EML1: variants seen among roughly 807,000 people sequenced by gnomAD.
EML1 encodes the protein EMAP like 1.
Under a neutral mutation model 110.4 loss-of-function variants are expected in EML1, and 27 were observed. That is an observed-to-expected ratio of 0.24 (90% confidence interval 0.18 to 0.34). The LOEUF (loss-of-function observed/expected upper bound fraction) is 0.34, where lower values mean the gene tolerates loss of function less well. Among genes scored for constraint, EML1 ranks in the 10% least tolerant of loss-of-function variants. The probability of loss-of-function intolerance (pLI) is 1.00; values close to 1 mark genes in which losing one functional copy is unlikely to be tolerated. For synonymous variants in EML1, 344 were observed against 385.8 expected (o/e 0.89, Z 1.27); for missense variants, 741 against 1,030.9 (o/e 0.72, Z 3.85).
chr14:99,788,604 A>T (rs112581496), upstream of EML1, among the ~76,000 whole-genome samples: 141 of 152,254 alleles, frequency 9.3e-4, no homozygotes, highest in African/African-American at 3.1e-3. Flanking sequence ...TGGGCAACAC[A>T]TGGAGACTGT....
In EML1 at chr14:99,738,649, T is replaced by C. The variant is rs543088606; in HGVS notation, c.28+789T>C. ...AGCTTAACTTCTCTGAGCCTCCGTG[T>C]CCCCAGGTAAAAATGGAGACTGTGG... On this transcript the variant is annotated intron_variant, in intron 1 of 10. Coordinates refer to the EML1 transcript ENST00000554479. Among the ~76,000 whole-genome samples, 193 of 152,314 alleles carry C rather than the reference T, an allele frequency of 1.3e-3. 2 individuals carry two copies. Among genetic ancestry groups the C allele is most frequent in the African/African-American group, 4.5e-3 (188 of 41,576 alleles).
At chr14:99,770,778 G>GCTTTTTTTTTTTTTTTTTTTTTTT (rs1198007774), upstream of EML1, among the ~76,000 whole-genome samples, 1 of 79,544 alleles carries the variant, frequency 1.3e-5, no homozygotes, top group Admixed American at 1.7e-4. Context: ...AGTTTCCGCT[G>GCTTTTTTTTTTTTTTTTTTTTTTT]ATTTTTTTTT....
intron 2 of EML1, among the ~76,000 whole-genome samples, chr14:99,852,068 A>G (rs1486979616): frequency 6.6e-6 from 1 of 152,222 alleles, no homozygotes; most frequent in African/African-American, 2.4e-5. Flanking sequence ...TTTGTATTAA[A>G]TAATGTTGTC....
At chr14:99,918,414 C>T (rs1164588864) in intron 16 of EML1, among the ~76,000 whole-genome samples, 2 of 152,224 alleles carry the variant, frequency 1.3e-5, no homozygotes, top group East Asian at 1.9e-4. Context: ...ATTTTGCCTA[C>T]AATCTCGAGG....
chr14:99,849,523 GTGTGTGTA>G (rs1174667523), intron 1 of EML1, among the ~76,000 whole-genome samples: 5 of 134,164 alleles, frequency 3.7e-5, no homozygotes, highest in African/African-American at 1.1e-4. Flanking sequence ...GTGTGTGTGT[GTGTGTGTA>G]TATATATTTA....
intron 10 of EML1, among the ~76,000 whole-genome samples, chr14:99,908,120 C>T (rs569778635): frequency 6.6e-6 from 1 of 152,338 alleles, no homozygotes; most frequent in East Asian, 1.9e-4. Flanking sequence ...TGCCTGAGCC[C>T]CTGCAGCCGC....
rs1227642056 is a variant in EML1 at position 99,936,963 on chromosome 14, G to T, written c.2095+629G>T. On this transcript the variant is annotated intron_variant, in intron 19 of 21. Transcript: ENST00000262233. The surrounding 1 kb of genome is among the most constrained non-coding windows in gnomAD (Gnocchi z 5.5). ...GGCGCGTGGGCACAAGGAAGGCCTC[G>T]CTGCTCCCCTGCTGGAAGTTACTGG... 6.6e-6 allele frequency among the ~76,000 whole-genome samples: 1 copy of T among 152,228 alleles called. No individual in the cohort carries two copies. Among genetic ancestry groups the T allele is most frequent in the Non-Finnish European group, 1.5e-5 (1 of 68,034 alleles).
intron 1 of EML1, among the ~76,000 whole-genome samples, chr14:99,809,286 T>C (rs1464463159): frequency 2.0e-5 from 3 of 152,258 alleles, no homozygotes; most frequent in African/African-American, 7.2e-5. Flanking sequence ...TATCAAACTT[T>C]GACCTTGTTC....
chr14:99,899,714 A>T (rs2059728922), intron 8 of EML1, among the ~76,000 whole-genome samples: 2 of 149,386 alleles, frequency 1.3e-5, no homozygotes, highest in Admixed American at 1.3e-4. Context: ...GGGTCTTTCA[A>T]TTTTTTTTTT....
At chr14:99,778,042 C>T (rs778967385) in intron 1 of EML1, among the ~76,000 whole-genome samples, 4 of 152,232 alleles carry the variant, frequency 2.6e-5, no homozygotes, top group Middle Eastern at 3.4e-3. Flanking sequence ...GCCTCAGCTT[C>T]GTGAAGTGTT....
chr14:99,790,866 C>CTTTTT (rs58349128), upstream of EML1, among the ~76,000 whole-genome samples: 2 of 142,686 alleles, frequency 1.4e-5, no homozygotes, highest in African/African-American at 5.3e-5. Context: ...TTTTCTTTTC[C>CTTTTT]TTTTTTTTTG....
Position 99,939,839 on chromosome 14 carries a change from TCA to T in EML1, c.2323-141_2323-140del. On this transcript the variant is annotated intron_variant, in intron 21 of 21. Coordinates refer to ENST00000262233, the MANE Select transcript of EML1 (RefSeq NM_004434.3). The surrounding 1 kb of genome is among the most constrained non-coding windows in gnomAD (Gnocchi z 4.2). ...GCTTTGTTTCTGTGTCCCTTCTGTG[TCA>T]CACACAGAGCAGGTTCCCAAGTGAG... 9.8e-7 allele frequency: 1 copy of T among 1,017,462 alleles called. No homozygotes were observed. Among genetic ancestry groups the T allele is most frequent in the Non-Finnish European group, 1.4e-6 (1 of 725,448 alleles). 63.0% of individuals were successfully genotyped at this position (1,017,462 alleles called of 1,614,324 possible).
chr14:99,838,324 T>C (rs905530522), intron 1 of EML1, among the ~76,000 whole-genome samples: 2 of 152,170 alleles, frequency 1.3e-5, no homozygotes, highest in African/African-American at 2.4e-5. Context: ...CTGAAAGACT[T>C]TGAAACCATG....
intron 1 of EML1, chr14:99,809,775 C>T (rs1222923503): frequency 1.3e-5 from 6 of 453,906 alleles, no homozygotes; most frequent in South Asian, 3.1e-5. Flanking sequence ...GGCTTTTAAT[C>T]GTTTGTGTTC....
chr14:99,914,734 A>C (rs767705214), intron 15 of EML1, 37 bp downstream of exon 15: 1 of 1,576,326 alleles, frequency 6.3e-7, no homozygotes, highest in Admixed American at 2.0e-5. Flanking sequence ...TTTCTTACAG[A>C]AATTCATCTG....
intron 1 of EML1, among the ~76,000 whole-genome samples, chr14:99,811,523 C>G (rs547219377): frequency 6.6e-6 from 1 of 151,540 alleles, no homozygotes; most frequent in Non-Finnish European, 1.5e-5. Context: ...GAAAATCAAG[C>G]CGAGTTGGGT....
intron 1 of EML1, among the ~76,000 whole-genome samples, chr14:99,776,458 C>T (rs1040334398): frequency 1.3e-5 from 2 of 151,028 alleles, no homozygotes; most frequent in Non-Finnish European, 2.9e-5. Context: ...GAGCTGAGAT[C>T]GCACCACTGC....
chr14:99,764,514 G>A (rs1474868592), intron 1 of EML1, among the ~76,000 whole-genome samples: 5 of 152,224 alleles, frequency 3.3e-5, no homozygotes, highest in Non-Finnish European at 7.3e-5. Flanking sequence ...CAGGTTTAGC[G>A]GATGCTGCTG....
At chr14:99,813,621 C>T (rs541981974) in intron 1 of EML1, among the ~76,000 whole-genome samples, 2 of 151,990 alleles carry the variant, frequency 1.3e-5, no homozygotes, top group East Asian at 1.9e-4. Flanking sequence ...GTGGGAGGAT[C>T]GCTTGAGCCT....
Sources: allele counts gnomAD v4.1 joint callset (sites outside exome capture counted in the v4.1 genomes callset), GRCh38; gene constraint gnomAD v4.1.1; non-coding constraint Gnocchi (gnomAD v3.1); transcripts MANE v1.5; gene names NCBI Gene and HGNC (gene_info 2026-07-23, HGNC 2026-07-21).